The following DNAJC1 variants were observed in gnomAD, a reference collection of about 807,000 sequenced individuals.
The protein encoded by DNAJC1 is dnaJ homolog subfamily C member 1.
A neutral mutation model predicts 76.6 loss-of-function variants in DNAJC1; 58 were observed. That is an observed-to-expected ratio of 0.76 (90% confidence interval 0.61 to 0.94). DNAJC1 has a LOEUF of 0.94. Ranked by LOEUF, DNAJC1 falls within the 40% of genes least tolerant of loss-of-function variation. The pLI is 0.00. For synonymous variants in DNAJC1, 258 were observed against 267.9 expected, an observed-to-expected ratio of 0.96 and a Z score of 0.36; for missense variants, 689 against 677.3, an observed-to-expected ratio of 1.02 and a Z score of -0.19.
At chr10:21,829,703 T>G (rs1465253122) in intron 8 of DNAJC1, among the ~76,000 whole-genome samples, 1 of 152,262 alleles carries the variant, frequency 6.6e-6, no homozygotes, top group Non-Finnish European at 1.5e-5. Context: ...ATGTCTCTCC[T>G]GTAAATAACA....
At chr10:21,957,181 C>T (rs559349907) in intron 1 of DNAJC1, among the ~76,000 whole-genome samples, 43 of 152,184 alleles carry the variant, frequency 2.8e-4, no homozygotes, top group Admixed American at 1.6e-3. Context: ...TGAGCCACTG[C>T]GCCTGACCAG....
rs369381918 is a variant in DNAJC1, at chr10:21,756,669, C to G, written c.*18G>C. The G allele has an allele frequency of 1.0e-5, 16 of 1,593,078 alleles. No individual in the cohort carries two copies. The highest frequency in any genetic ancestry group is 1.3e-5 in the Non-Finnish European group (15 of 1,161,356). On this transcript the variant is annotated 3_prime_UTR_variant, in exon 12 of 12. Transcript: ENST00000376980. ...ATTCATTTTGGAAAATGAAGGTGAA[C>G]ATCATCTCCCAGAATATTCAGCTTT...
chr10:21,780,804 T>C (rs567323782), intron 9 of DNAJC1, among the ~76,000 whole-genome samples: 4 of 152,244 alleles, frequency 2.6e-5, no homozygotes, highest in Non-Finnish European at 4.4e-5. Flanking sequence ...GACTGGCAAA[T>C]TGGATAAAGA....
At chr10:21,804,437 T>C (rs1486350495) in intron 9 of DNAJC1, among the ~76,000 whole-genome samples, 1 of 152,094 alleles carries the variant, frequency 6.6e-6, no homozygotes, top group Non-Finnish European at 1.5e-5. Context: ...TAATAGCAGC[T>C]ATGTAATTAG....
intron 3 of DNAJC1, among the ~76,000 whole-genome samples, chr10:21,927,636 G>A (rs1197875467): frequency 6.6e-6 from 1 of 152,162 alleles, no homozygotes; most frequent in Non-Finnish European, 1.5e-5. Flanking sequence ...GACTAGTCTA[G>A]CCTAGAATAG....
At chr10:21,840,417 A>C (rs1431914838) in intron 8 of DNAJC1, among the ~76,000 whole-genome samples, 2 of 152,204 alleles carry the variant, frequency 1.3e-5, no homozygotes, top group African/African-American at 4.8e-5. Context: ...CAGGATACAA[A>C]ATCAATGTAC....
At chr10:21,909,177 C>T (rs1023827847) in intron 6 of DNAJC1, among the ~76,000 whole-genome samples, 10 of 152,170 alleles carry the variant, frequency 6.6e-5, no homozygotes, top group Admixed American at 1.3e-4. Flanking sequence ...CGTAAGCCAC[C>T]GCCCCTGGCC....
At chr10:21,843,210 G>A (rs911877772) in intron 8 of DNAJC1, among the ~76,000 whole-genome samples, 9 of 151,984 alleles carry the variant, frequency 5.9e-5, no homozygotes, top group South Asian at 2.1e-4. Flanking sequence ...TCTATTTTTC[G>A]TCACATACAT....
At chr10:21,999,014 A>G (rs1324835608) in intron 1 of DNAJC1, among the ~76,000 whole-genome samples, 1 of 152,232 alleles carries the variant, frequency 6.6e-6, no homozygotes, top group Non-Finnish European at 1.5e-5. Flanking sequence ...TGTTATTCAG[A>G]TTATAGAGCT....
chr10:21,758,424 G>A (rs1247279948), intron 11 of DNAJC1, among the ~76,000 whole-genome samples: 2 of 152,192 alleles, frequency 1.3e-5, no homozygotes, highest in Non-Finnish European at 2.9e-5. Flanking sequence ...GAAAGAGGCC[G>A]CCCAAGCCCG....
chr10:21,934,188 T>C (rs1837274104), intron 1 of DNAJC1, among the ~76,000 whole-genome samples: 1 of 151,656 alleles, frequency 6.6e-6, no homozygotes, highest in Non-Finnish European at 1.5e-5. Flanking sequence ...TGTGTTTGTG[T>C]CTTAATTTTT....
Position 21,966,330 on chromosome 10 carries a change from G to T in DNAJC1, c.222+36883C>A, listed in dbSNP as rs538439827. Among the ~76,000 whole-genome samples the T allele has an allele frequency of 4.2e-4, 64 of 151,952 alleles. 1 individual carries two copies. Among genetic ancestry groups the T allele is most frequent in the African/African-American group, 1.4e-3 (60 of 41,428 alleles). ...TATATAATTAATACTTATTCTGTGG[G>T]AATACTTACTAAGTATTCTGGGCAT... On this transcript the variant is annotated intron_variant, in intron 1 of 11. Transcript: ENST00000376980.
At chr10:21,920,044 G>A in intron 4 of DNAJC1, 115 bp from the exon 5 acceptor site, 1 of 622,052 alleles carries the variant, frequency 1.6e-6, no homozygotes, top group Non-Finnish European at 2.7e-6. Flanking sequence ...GCAAATGTAT[G>A]TAGGGTCCAA....
intron 8 of DNAJC1, among the ~76,000 whole-genome samples, chr10:21,814,991 G>A (rs1835051531): frequency 6.6e-6 from 1 of 152,130 alleles, no homozygotes; most frequent in Admixed American, 6.5e-5. Context: ...CTCACCAAAG[G>A]TCACACTGCT....
intron 8 of DNAJC1, among the ~76,000 whole-genome samples, chr10:21,880,231 T>C (rs1437732617): frequency 6.6e-6 from 1 of 152,232 alleles, no homozygotes; most frequent in Non-Finnish European, 1.5e-5. Flanking sequence ...TCAGCAGTTA[T>C]TTCCTCCAAT....
At position 21,908,553 on chromosome 10, in the gene DNAJC1, C is replaced by A. The variant is rs975832982; in HGVS notation, c.730-3941G>T. Among the ~76,000 whole-genome samples the A allele has an allele frequency of 2.8e-3, 409 of 145,702 alleles. 7 individuals are homozygous for A. The highest frequency in any genetic ancestry group is 5.1e-4 in the Non-Finnish European group (34 of 66,622). ...AATCGTTTAATGGGAAAAATAAGCA[C>A]AAAAACTTATTTGGGTCCAGAGTAA... On this transcript the variant is annotated intron_variant, in intron 6 of 11. Transcript: ENST00000376980.
chr10:21,919,499 A>ACTGC (rs966733998), intron 5 of DNAJC1, among the ~76,000 whole-genome samples: 3 of 151,974 alleles, frequency 2.0e-5, no homozygotes, highest in African/African-American at 7.2e-5. Flanking sequence ...ACTGCATATC[A>ACTGC]CTGCCTCTCT....
At chr10:21,956,955 G>T (rs370560505) in intron 1 of DNAJC1, among the ~76,000 whole-genome samples, 2 of 148,268 alleles carry the variant, frequency 1.3e-5, no homozygotes, top group African/African-American at 5.0e-5. Context: ...ACAGTGCAGC[G>T]ATCTCGGCTC....
In DNAJC1 at chr10:21,896,919, A is replaced by G. The variant is rs529563301; in HGVS notation, c.820+7603T>C. On this transcript the variant is annotated intron_variant, in intron 7 of 11. Transcript: ENST00000376980. ...ACAAAAGAGACTTCACACAGCATTCAACCCCTTTTCCCCTTCTGTTCCTTG... is the reference window on the plus strand; with the variant it reads ...ACAAAAGAGACTTCACACAGCATTCGACCCCTTTTCCCCTTCTGTTCCTTG... 2.0e-5 allele frequency among the ~76,000 whole-genome samples: 3 copies of G among 152,192 alleles called. No homozygotes were observed. In the East Asian group the frequency reaches 5.8e-4, roughly 29 times the overall value.
Sources: gnomAD v4.1 joint callset for allele counts (sites outside exome capture counted in the v4.1 genomes callset) on GRCh38, gnomAD v4.1.1 for gene constraint, MANE v1.5 for transcripts, NCBI Gene and HGNC (gene_info 2026-07-23, HGNC 2026-07-21) for gene names.